Variants in COLEC10 observed in about 807,000 individuals in gnomAD.
COLEC10 encodes the protein collectin-10.
Under a neutral mutation model 28.4 loss-of-function variants are expected in COLEC10, and 22 were observed. The ratio of observed to expected loss-of-function variants is 0.78; its 90% CI spans 0.55 to 1.11. The LOEUF (loss-of-function observed/expected upper bound fraction) is 1.11, where lower values mean the gene tolerates loss of function less well. Among genes scored for constraint, COLEC10 ranks in the 50% least tolerant of loss-of-function variants. The probability of loss-of-function intolerance (pLI) is 0.00; values close to 1 mark genes in which losing one functional copy is unlikely to be tolerated. For missense variants in COLEC10, 361 were observed against 344.1 expected, an observed-to-expected ratio of 1.05 and a Z score of -0.39; for synonymous variants, 125 against 116.1, an observed-to-expected ratio of 1.08 and a Z score of -0.49.
chr8:119,043,293 A>G (rs891223400), intron 2 of COLEC10, among the ~76,000 whole-genome samples: 1 of 152,300 alleles, frequency 6.6e-6, no homozygotes, highest in South Asian at 2.1e-4. Context: ...TTCCTTTCAG[A>G]AGACACATAA....
chr8:118,997,202 TA>T (rs1421394146), intron 1 of COLEC10, among the ~76,000 whole-genome samples: 1 of 152,224 alleles, frequency 6.6e-6, no homozygotes, highest in African/African-American at 2.4e-5. Flanking sequence ...ATACATTTAA[TA>T]ATAACCTCTT....
chr8:119,072,139 G>A (rs1815136508), intron 1 of COLEC10, among the ~76,000 whole-genome samples: 1 of 152,164 alleles, frequency 6.6e-6, no homozygotes. Context: ...ATTCCCATGG[G>A]TAACCATCAT....
At chr8:119,033,028 T>C (rs952453046) in intron 2 of COLEC10, among the ~76,000 whole-genome samples, 4 of 152,018 alleles carry the variant, frequency 2.6e-5, no homozygotes, top group African/African-American at 7.2e-5. Flanking sequence ...TTTTTTACGC[T>C]GTAGTTAGGC....
At chr8:119,098,677 A>AT (rs1208407402) in intron 3 of COLEC10, among the ~76,000 whole-genome samples, 1 of 152,090 alleles carries the variant, frequency 6.6e-6, no homozygotes, top group Non-Finnish European at 1.5e-5. Flanking sequence ...ATAATAAAAC[A>AT]TATTATTTCT....
intron 1 of COLEC10, among the ~76,000 whole-genome samples, chr8:119,079,598 G>T (rs1399787325): frequency 6.7e-6 from 1 of 149,142 alleles, no homozygotes; most frequent in Non-Finnish European, 1.5e-5. Flanking sequence ...TACAGTGTTA[G>T]TTCCCACCCT....
At chr8:118,979,206 AT>A in the COLEC10 span, among the ~76,000 whole-genome samples, 1 of 151,938 alleles carries the variant, frequency 6.6e-6, no homozygotes, top group African/African-American at 2.4e-5. Context: ...CCAAATGGTT[AT>A]TTTTTTAAGC....
chr8:118,956,696 T>C, the COLEC10 span, among the ~76,000 whole-genome samples: 2 of 152,180 alleles, frequency 1.3e-5, no homozygotes, highest in Non-Finnish European at 1.5e-5. Context: ...TAAATGTTTA[T>C]ATCAACAGAG....
chr8:119,010,151 A>G (rs1813879129), intron 2 of COLEC10, among the ~76,000 whole-genome samples: 1 of 150,736 alleles, frequency 6.6e-6, no homozygotes, highest in Non-Finnish European at 1.5e-5. Flanking sequence ...CTTAAAAATC[A>G]TCTGTGTTCT....
the COLEC10 span, among the ~76,000 whole-genome samples, chr8:118,967,138 T>A: frequency 3.3e-5 from 5 of 152,144 alleles, no homozygotes; most frequent in East Asian, 9.6e-4. Flanking sequence ...AGGGTGATTT[T>A]ATATCTATAC....
intron 2 of COLEC10, among the ~76,000 whole-genome samples, chr8:119,053,698 A>G (rs549764274): frequency 1.3e-4 from 20 of 150,796 alleles, no homozygotes; most frequent in Admixed American, 9.9e-4. Context: ...GGGGGGGCTT[A>G]TTTCTAAAGA....
At chr8:118,976,550 G>A in the COLEC10 span, 12 of 152,372 alleles carry the variant, frequency 7.9e-5, no homozygotes, top group African/African-American at 1.4e-4. Flanking sequence ...AAATTGGAAC[G>A]ATACAGAGAA....
chr8:119,106,275 A>G lies in COLEC10; in HGVS notation c.*84A>G. ...CCATCCTTTTTTTCCTGATTGTACT[A>G]CATTTGATCTGAGTCAACATAGCTA... On this transcript the variant is annotated 3_prime_UTR_variant, in exon 6 of 6. Coordinates refer to ENST00000332843, the MANE Select transcript of COLEC10 (RefSeq NM_006438.5). 1 of 1,396,646 alleles carries G rather than the reference A, an allele frequency of 7.2e-7. No individual in the cohort carries two copies. The highest frequency in any genetic ancestry group is 9.8e-7 in the Non-Finnish European group (1 of 1,023,490). 86.5% of individuals were successfully genotyped at this position (1,396,646 alleles called of 1,614,324 possible).
At chr8:119,044,809 C>T (rs969612321) in intron 2 of COLEC10, among the ~76,000 whole-genome samples, 4 of 150,340 alleles carry the variant, frequency 2.7e-5, no homozygotes, top group African/African-American at 4.9e-5. Context: ...GAGCCGAGAT[C>T]GCACCAGCAT....
chr8:119,041,139 T>A (rs974956866), intron 2 of COLEC10, among the ~76,000 whole-genome samples: 3 of 152,172 alleles, frequency 2.0e-5, no homozygotes, highest in Non-Finnish European at 4.4e-5. Context: ...TTCTGGGGAA[T>A]TTGACCTAAA....
At chr8:118,970,819 C>G in the COLEC10 span, among the ~76,000 whole-genome samples, 1 of 151,806 alleles carries the variant, frequency 6.6e-6, no homozygotes, top group Non-Finnish European at 1.5e-5. Flanking sequence ...ACATGAGGCT[C>G]AAAGAGATTA....
At chr8:119,104,383 C>T (rs796205335) in intron 5 of COLEC10, among the ~76,000 whole-genome samples, 6 of 152,196 alleles carry the variant, frequency 3.9e-5, no homozygotes, top group African/African-American at 1.4e-4. Context: ...AGATACAGAC[C>T]TAATGAGCAG....
chr8:118,996,444 T>C (rs960584085), intron 1 of COLEC10, among the ~76,000 whole-genome samples: 3 of 152,330 alleles, frequency 2.0e-5, no homozygotes, highest in East Asian at 3.9e-4. Context: ...CGTTCTGCTT[T>C]TTACAGTGGC....
chr8:118,999,663 T>A (rs1025058459), intron 1 of COLEC10, among the ~76,000 whole-genome samples: 11 of 150,882 alleles, frequency 7.3e-5, no homozygotes, highest in Non-Finnish European at 1.2e-4. Flanking sequence ...AAGAAGCACA[T>A]AAACATGGTC....
chr8:119,038,267 A>T (rs961491218), intron 2 of COLEC10, among the ~76,000 whole-genome samples: 3 of 152,202 alleles, frequency 2.0e-5, no homozygotes, highest in African/African-American at 7.2e-5. Context: ...CTACTGGGAG[A>T]ATGTAATGGG....
Sources: allele counts gnomAD v4.1 joint callset (sites outside exome capture counted in the v4.1 genomes callset), GRCh38; gene constraint gnomAD v4.1.1; transcripts MANE v1.5; gene names NCBI Gene and HGNC (gene_info 2026-07-23, HGNC 2026-07-21).